PANX1: variants seen among roughly 807,000 people sequenced by gnomAD.
PANX1 encodes the protein pannexin-1.
A neutral mutation model predicts 38.7 loss-of-function variants in PANX1; 30 were observed. The ratio of observed to expected loss-of-function variants is 0.78; its 90% confidence interval spans 0.58 to 1.05. The LOEUF is 1.05. Among genes scored for constraint, PANX1 ranks in the 50% least tolerant of loss-of-function variants. PANX1 has a pLI of 0.00. For missense variants in PANX1, 551 were observed against 517.2 expected, an observed-to-expected ratio of 1.07 and a Z score of -0.63; for synonymous variants, 230 against 212.2, an observed-to-expected ratio of 1.08 and a Z score of -0.73.
chr11:94,176,918 G>A (rs1947241089), intron 2 of PANX1, among the ~76,000 whole-genome samples: 1 of 151,658 alleles, frequency 6.6e-6, no homozygotes, highest in African/African-American at 2.4e-5. Flanking sequence ...TAGAGTCCCT[G>A]CCAGGGTTGC....
intron 2 of PANX1, among the ~76,000 whole-genome samples, chr11:94,170,570 T>C (rs1947153947): frequency 6.6e-6 from 1 of 151,754 alleles, no homozygotes; most frequent in African/African-American, 2.4e-5. Context: ...AAAGTGGAAT[T>C]GCTGGATTCT....
At chr11:94,132,133 A>G (rs1376131305) in intron 1 of PANX1, among the ~76,000 whole-genome samples, 1 of 152,212 alleles carries the variant, frequency 6.6e-6, no homozygotes, top group Non-Finnish European at 1.5e-5. Context: ...TTTGTTGTGA[A>G]TTAAAGGTGA....
intron 1 of PANX1, among the ~76,000 whole-genome samples, chr11:94,148,539 G>C (rs558835780): frequency 6.6e-6 from 1 of 151,900 alleles, no homozygotes; most frequent in Admixed American, 6.6e-5. Flanking sequence ...ACACATTCAG[G>C]GTCCTCTTTG....
chr11:94,139,628 C>G (rs1306875357), intron 1 of PANX1, among the ~76,000 whole-genome samples: 1 of 152,200 alleles, frequency 6.6e-6, no homozygotes, highest in Non-Finnish European at 1.5e-5. Context: ...ACTCTCAGCC[C>G]CAACCCCTGA....
chr11:94,166,537 A>T lies in PANX1; in HGVS notation c.322-11832A>T, dbSNP rs534689702. Among the ~76,000 whole-genome samples the T allele has an allele frequency of 5.9e-5, 9 of 151,470 alleles. No homozygotes were observed. The East Asian group carries it at 1.8e-3, about 29-fold the overall frequency. ...AAAGTCTGCTGCCAGATATCTTGGA[A>T]CTCTTTTATATGTAATTTGCATCTT... is the stretch of plus-strand genomic sequence containing the variant. On this transcript the variant is annotated intron_variant, in intron 2 of 4. Coordinates refer to ENST00000227638, the MANE Select transcript of PANX1 (RefSeq NM_015368.4).
In PANX1 at chr11:94,148,156, G is replaced by A. The variant is rs144277638; in HGVS notation, c.182-5335G>A. Among the ~76,000 whole-genome samples, 365 of 152,316 alleles carry A rather than the reference G, an allele frequency of 2.4e-3. 7 individuals carry two copies. Among genetic ancestry groups the A allele is most frequent in the Middle Eastern group, 0.017 (5 of 294 alleles). On this transcript the variant is annotated intron_variant, in intron 1 of 4. Transcript: ENST00000227638. ...GTTTAAAACATGCATGTGCCTCAGA[G>A]TCAGTTCCCACAGAAGAAAAGTGAA...
chr11:94,176,219 A>C (rs1481730520), intron 2 of PANX1, among the ~76,000 whole-genome samples: 3 of 151,666 alleles, frequency 2.0e-5, no homozygotes, highest in African/African-American at 7.3e-5. Context: ...TTTAAGTATG[A>C]ATAAAGAATT....
chr11:94,131,825 T>C (rs1467923590), intron 1 of PANX1, among the ~76,000 whole-genome samples: 1 of 152,146 alleles, frequency 6.6e-6, no homozygotes, highest in East Asian at 1.9e-4. Flanking sequence ...TTTAATTTTG[T>C]GTAGTTAGTA....
At chr11:94,180,729 G>T (rs944660653) in intron 4 of PANX1, 61 bp from the exon 5 acceptor site, 9 of 937,412 alleles carry the variant, frequency 9.6e-6, no homozygotes, top group Non-Finnish European at 1.6e-5. Context: ...AAGAAAAATT[G>T]ATTAGTATTG....
chr11:94,149,720 G>A (rs1184516934), intron 1 of PANX1, among the ~76,000 whole-genome samples: 2 of 152,182 alleles, frequency 1.3e-5, no homozygotes, highest in African/African-American at 2.4e-5. Flanking sequence ...TTGTTAAGCT[G>A]ACACACAGTG....
Position 94,146,337 on chromosome 11 carries a change from A to G in PANX1, c.182-7154A>G, listed in dbSNP as rs1305676320. ...CTAATACATGTAGAAGGAGCAAATCAAGTTGGAAAAAAAATACTTATTTTG... is the reference window on the plus strand; with the variant it reads ...CTAATACATGTAGAAGGAGCAAATCGAGTTGGAAAAAAAATACTTATTTTG... On this transcript the variant is annotated intron_variant, in intron 1 of 4. Coordinates refer to ENST00000227638, the MANE Select transcript of PANX1 (RefSeq NM_015368.4). Among the ~76,000 whole-genome samples the G allele has an allele frequency of 8.9e-5, 5 of 55,950 alleles. No homozygotes were observed. The East Asian group carries it at 3.9e-3, about 44-fold the overall frequency. The allele number at this position is 55,950 out of a possible 152,430, so 36.7% of individuals were successfully genotyped here. A position where few individuals can be genotyped will look rare whatever the true frequency, so the allele number is the denominator to read the frequency against.
chr11:94,135,528 A>G (rs1313326134), intron 1 of PANX1, among the ~76,000 whole-genome samples: 1 of 152,168 alleles, frequency 6.6e-6, no homozygotes, highest in African/African-American at 2.4e-5. Flanking sequence ...AGGGTTGTCT[A>G]TCAGAGTGGG....
chr11:94,163,824 AGT>A (rs533074427), intron 2 of PANX1, among the ~76,000 whole-genome samples: 78 of 152,176 alleles, frequency 5.1e-4, no homozygotes, highest in South Asian at 3.7e-3. Flanking sequence ...CTTTTTTAAA[AGT>A]TTGGTAGAAT....
At chr11:94,143,525 A>G (rs1946788816) in intron 1 of PANX1, among the ~76,000 whole-genome samples, 1 of 152,232 alleles carries the variant, frequency 6.6e-6, no homozygotes, top group African/African-American at 2.4e-5. Context: ...TATAGCAGAC[A>G]TTTTATTTAA....
intron 2 of PANX1, among the ~76,000 whole-genome samples, chr11:94,164,496 T>C (rs1380452778): frequency 1.3e-5 from 2 of 152,204 alleles, no homozygotes; most frequent in African/African-American, 4.8e-5. Context: ...TCCATGTGTT[T>C]AGTTTCCAAA....
At chr11:94,140,473 A>G (rs1370432803) in intron 1 of PANX1, among the ~76,000 whole-genome samples, 1 of 152,174 alleles carries the variant, frequency 6.6e-6, no homozygotes, top group Non-Finnish European at 1.5e-5. Flanking sequence ...TATCTTTAAT[A>G]TGTCCCAGAG....
At chr11:94,168,993 C>T (rs1397460881) in intron 2 of PANX1, among the ~76,000 whole-genome samples, 2 of 151,610 alleles carry the variant, frequency 1.3e-5, no homozygotes, top group Admixed American at 1.3e-4. Context: ...GGTGAAGAAG[C>T]AGATTTTGGA....
At chr11:94,179,578 AT>A in intron 3 of PANX1, 23 bp from the exon 4 acceptor site, 1 of 1,586,438 alleles carries the variant, frequency 6.3e-7, no homozygotes, top group Non-Finnish European at 8.6e-7. Context: ...TGCCTAAGTT[AT>A]TTTTGTTTCC....
In PANX1 at chr11:94,179,754, ATTAC is replaced by A; in HGVS notation, c.701_704del (p.Tyr234SerfsTer19). The A allele has an allele frequency of 1.2e-6, 2 of 1,614,116 alleles. No homozygotes were observed. The highest frequency in any genetic ancestry group is 8.5e-7 in the Non-Finnish European group (1 of 1,179,998). ...CTGTTAGCGTGTATCTACCTGGGCT[ATTAC>A]TTCAGCCTCTCCTCACTCTCAGACG... On this transcript the variant is annotated frameshift_variant, in exon 4 of 5. Transcript: ENST00000227638. LOFTEE classifies it high-confidence loss of function.
Sources: allele counts gnomAD v4.1 joint callset (sites outside exome capture counted in the v4.1 genomes callset), GRCh38; gene constraint gnomAD v4.1.1; transcripts MANE v1.5; gene names NCBI Gene and HGNC (gene_info 2026-07-23, HGNC 2026-07-21).